The following ITGA11 variants were observed in gnomAD, a reference collection of about 807,000 sequenced individuals.
The protein encoded by ITGA11 is integrin alpha-11.
In ITGA11, 97 loss-of-function variants were observed where a neutral mutation model predicts 141.9. The ratio of observed to expected loss-of-function variants is 0.68; its 90% CI spans 0.58 to 0.81. The LOEUF (loss-of-function observed/expected upper bound fraction) is 0.81. ITGA11 is among the 30% of genes least tolerant of loss of function. ITGA11 has a pLI of 0.00. For synonymous variants in ITGA11, 658 were observed against 624.6 expected (o/e 1.05, Z -0.80); for missense variants, 1,387 against 1,559.2 (o/e 0.89, Z 1.86).
chr15:68,312,628 G>C, intron 24 of ITGA11, 145 bp downstream of exon 24: 1 of 615,608 alleles, frequency 1.6e-6, no homozygotes, highest in South Asian at 1.9e-5. Flanking sequence ...GAGGAGAAGT[G>C]ACTTGACTAA....
At chr15:68,408,105 G>T (rs147617146) in intron 1 of ITGA11, among the ~76,000 whole-genome samples, 112 of 152,286 alleles carry the variant, frequency 7.4e-4, no homozygotes, top group Middle Eastern at 3.4e-3. Context: ...TTTTCCTCTA[G>T]GTCCCTTTTC....
Position 68,324,559 on chromosome 15 carries a change from G to A in ITGA11, c.2322+572C>T, listed in dbSNP as rs1893912731. On this transcript the variant is annotated intron_variant, in intron 18 of 29. Coordinates refer to ENST00000315757, the MANE Select transcript of ITGA11 (RefSeq NM_001004439.2). This position sits in a 1 kb window ranked among gnomAD's most constrained non-coding sequence, Gnocchi z 6.3. ...TTACATGGAGTTGCGGCTGCAGGGA[G>A]CATTTGAATGTTAGATGTCAAACAT... Among the ~76,000 whole-genome samples, 1 of 152,184 alleles carries A rather than the reference G, an allele frequency of 6.6e-6. No homozygotes were observed. Among genetic ancestry groups the A allele is most frequent in the Admixed American group, 6.5e-5 (1 of 15,282 alleles).
chr15:68,431,280 C>G (rs1276157891), intron 1 of ITGA11, among the ~76,000 whole-genome samples: 1 of 152,122 alleles, frequency 6.6e-6, no homozygotes, highest in African/African-American at 2.4e-5. Flanking sequence ...CGGCGCGCGT[C>G]TAGGCGACGG....
intron 1 of ITGA11, among the ~76,000 whole-genome samples, chr15:68,428,811 A>T (rs532935041): frequency 4.3e-4 from 65 of 152,246 alleles, no homozygotes; most frequent in African/African-American, 1.4e-3. Flanking sequence ...ACACCACAAT[A>T]CACCCACATC....
intron 10 of ITGA11, among the ~76,000 whole-genome samples, chr15:68,343,467 T>C (rs954205705): frequency 6.6e-6 from 1 of 152,204 alleles, no homozygotes; most frequent in Non-Finnish European, 1.5e-5. Context: ...ACAGGTCAAA[T>C]GATTTTTCTG....
chr15:68,411,576 A>G (rs532212590), intron 1 of ITGA11, among the ~76,000 whole-genome samples: 1 of 152,224 alleles, frequency 6.6e-6, no homozygotes, highest in African/African-American at 2.4e-5. Flanking sequence ...CTGGAGGCAC[A>G]GCGATCCCGT....
chr15:68,394,261 C>T (rs961096870), intron 2 of ITGA11, among the ~76,000 whole-genome samples: 4 of 152,122 alleles, frequency 2.6e-5, no homozygotes, highest in Non-Finnish European at 5.9e-5. Context: ...AATTATACAG[C>T]AGCTCTCTTG....
chr15:68,397,782 TTAAAA>T (rs1896357625), intron 2 of ITGA11, among the ~76,000 whole-genome samples: 1 of 114,046 alleles, frequency 8.8e-6, no homozygotes, highest in South Asian at 2.6e-4. Context: ...TAAAATATAT[TTAAAA>T]TAATATAAAA....
rs1374712747 is a variant in ITGA11, at chr15:68,364,791, G to A, written c.273C>T (p.Val91=). ...TCCGCTCGGACACGTTGGACAGGGT[G>A]ACCCTTCCTGGGGTTGGGGGAGAAG... ...GNCTKLNLGR[V]TLSNVSERKD... is the part of the protein sequence containing the mutation. The change falls in exon 4 of 30, where the codon GTC becomes GTT. Residue 91 remains valine, a synonymous_variant. Transcript: ENST00000315757. 2 of 1,613,664 alleles carry A rather than the reference G, an allele frequency of 1.2e-6. No homozygotes were observed. The highest frequency in any genetic ancestry group is 2.7e-5 in the African/African-American group (2 of 74,902).
rs894083968 is a variant in ITGA11 at position 68,298,950 on chromosome 15, G to A, written c.*4109C>T. On this transcript the variant is annotated 3_prime_UTR_variant, in exon 30 of 30. Coordinates refer to ENST00000315757, the MANE Select transcript of ITGA11 (RefSeq NM_001004439.2). The stretch of plus-strand genomic sequence containing the variant: ...CCCAGCTACTTGGGAAACTGAGGTG[G>A]GATTGCTTGAGCCCGGGAGGCAGAG... 6.6e-6 allele frequency: 1 copy of A among 151,844 alleles called. No homozygotes were observed. The highest frequency in any genetic ancestry group is 1.5e-5 in the Non-Finnish European group (1 of 67,992). 9.4% of individuals were successfully genotyped at this position (151,844 alleles called of 1,614,324 possible).
chr15:68,320,171 C>A lies in ITGA11; in HGVS notation c.2616+14G>T, dbSNP rs369627318. On this transcript the variant is annotated intron_variant, in intron 20 of 29. Coordinates refer to ENST00000315757, the MANE Select transcript of ITGA11 (RefSeq NM_001004439.2). ...CCAGGCAGAGGCAGTCTGGGCAGGTCGCTGAGGTCTTACCTTCTGGATCAA... is the reference window on the plus strand; with the variant it reads ...CCAGGCAGAGGCAGTCTGGGCAGGTAGCTGAGGTCTTACCTTCTGGATCAA... The A allele has an allele frequency of 1.9e-6, 3 of 1,612,810 alleles. No individual in the cohort carries two copies. Among genetic ancestry groups the A allele is most frequent in the South Asian group, 1.1e-5 (1 of 90,980 alleles).
At position 68,327,968 on chromosome 15, in the gene ITGA11, T is replaced by C. The variant is rs995846827; in HGVS notation, c.2068+128A>G. On this transcript the variant is annotated intron_variant, in intron 16 of 29. Coordinates refer to ENST00000315757, the MANE Select transcript of ITGA11 (RefSeq NM_001004439.2). ...AGCATCAAATGGGATCCAGTAGTCATCCAAGGTGGCTCTTGGGCGACCTGG... is the reference window on the plus strand; with the variant it reads ...AGCATCAAATGGGATCCAGTAGTCACCCAAGGTGGCTCTTGGGCGACCTGG... 4 of 847,360 alleles carry C rather than the reference T, an allele frequency of 4.7e-6. No individual in the cohort carries two copies. In the African/African-American group the frequency reaches 6.8e-5, roughly 14 times the overall value. The allele number at this position is 847,360 out of a possible 1,614,324, so 52.5% of individuals were successfully genotyped here.
chr15:68,364,933 C>T, intron 3 of ITGA11, 135 bp from the exon 4 acceptor site: 3 of 922,434 alleles, frequency 3.3e-6, no homozygotes, highest in South Asian at 1.5e-5. Context: ...TCAGGGTTTA[C>T]AAAGGCCTTC....
At chr15:68,381,596 C>A (rs1895863001) in intron 2 of ITGA11, among the ~76,000 whole-genome samples, 2 of 151,786 alleles carry the variant, frequency 1.3e-5, no homozygotes, top group South Asian at 2.1e-4. Context: ...TGCTCTGTTG[C>A]CCAGGCTGAA....
At chr15:68,409,446 A>G (rs919571353) in intron 1 of ITGA11, among the ~76,000 whole-genome samples, 6 of 151,638 alleles carry the variant, frequency 4.0e-5, no homozygotes, top group Non-Finnish European at 5.9e-5. Context: ...GCCTTAGTTT[A>G]CCTCCTAGCT....
In ITGA11 at chr15:68,354,009, C is replaced by G. The variant is rs144583950; in HGVS notation, c.750-2607G>C. Among the ~76,000 whole-genome samples the G allele has an allele frequency of 2.7e-3, 409 of 152,100 alleles. 1 individual carries two copies. The highest frequency in any genetic ancestry group is 9.3e-3 in the African/African-American group (384 of 41,472). On this transcript the variant is annotated intron_variant, in intron 7 of 29. Coordinates refer to ENST00000315757, the MANE Select transcript of ITGA11 (RefSeq NM_001004439.2). ...CAGCCATCTGCTTGCCAACAACTCC[C>G]TCACCTCCTTTCAAATCTCCAATCA... is the stretch of plus-strand genomic sequence containing the variant.
chr15:68,331,395 T>A lies in ITGA11; in HGVS notation c.1771-284A>T, dbSNP rs140032482. ...CCCATCCCCATCTCTCACGCTGGTC[T>A]ATTTTTTAGGCTATTTTACTGATAA... On this transcript the variant is annotated intron_variant, in intron 14 of 29. Coordinates refer to ENST00000315757, the MANE Select transcript of ITGA11 (RefSeq NM_001004439.2). Among the ~76,000 whole-genome samples, 271 of 152,326 alleles carry A rather than the reference T, an allele frequency of 1.8e-3. 2 individuals carry two copies. The highest frequency in any genetic ancestry group is 5.6e-3 in the Admixed American group (85 of 15,300).
chr15:68,298,937 GGAA>G lies in ITGA11; in HGVS notation c.*4119_*4121del, dbSNP rs1892965917. The G allele has an allele frequency of 6.6e-6, 1 of 151,824 alleles. No homozygotes were observed. The highest frequency in any genetic ancestry group is 1.5e-5 in the Non-Finnish European group (1 of 67,982). The allele number at this position is 151,824 out of a possible 1,614,324, so 9.4% of individuals were successfully genotyped here. ...GTGTGCCTGTAGTCCCAGCTACTTG[GGAA>G]ACTGAGGTGGGATTGCTTGAGCCCG... On this transcript the variant is annotated 3_prime_UTR_variant, in exon 30 of 30. Coordinates refer to ENST00000315757, the MANE Select transcript of ITGA11 (RefSeq NM_001004439.2).
chr15:68,348,795 A>T, intron 10 of ITGA11, 35 bp downstream of exon 10: 1 of 1,572,678 alleles, frequency 6.4e-7, no homozygotes, highest in Non-Finnish European at 8.7e-7. Context: ...CGAGAGACAG[A>T]GGCTGGGCTC....
Sources: gnomAD v4.1 joint callset for allele counts (sites outside exome capture counted in the v4.1 genomes callset) on GRCh38, gnomAD v4.1.1 for gene constraint, Gnocchi (gnomAD v3.1) non-coding constraint, MANE v1.5 for transcripts, NCBI Gene and HGNC (gene_info 2026-07-23, HGNC 2026-07-21) for gene names.